The following C17orf107 variants were observed in gnomAD, a reference collection of about 807,000 sequenced individuals.
The protein encoded by C17orf107 is uncharacterized protein C17orf107.
C17orf107 carries 9 observed loss-of-function variants against 8.9 expected under a neutral mutation model. The observed-to-expected ratio is 1.02, with a 90% CI of 0.61 to 1.77. The LOEUF is 1.77. Ranked by LOEUF, C17orf107 falls within the 40% of genes most tolerant of loss-of-function variation. The pLI, the probability that C17orf107 is intolerant of heterozygous loss-of-function variation, is 0.00. For missense variants in C17orf107, 281 were observed against 249.0 expected (o/e 1.13, Z -0.86); for synonymous variants, 139 against 120.3 (o/e 1.16, Z -1.02).
rs1969891716 is a variant in C17orf107, at chr17:4,899,668, C to T, written c.-95C>T. On this transcript the variant is annotated 5_prime_UTR_variant, in exon 1 of 3. Coordinates refer to ENST00000381365, the MANE Select transcript of C17orf107 (RefSeq NM_001145536.2). ...CGCTGACCTCACAAACACGGCTTCT[C>T]CTGGTACGGGCTGGTTACGCCCTCC... 8.3e-6 allele frequency: 12 copies of T among 1,446,872 alleles called. No individual in the cohort carries two copies. The highest frequency in any genetic ancestry group is 1.1e-5 in the Non-Finnish European group (12 of 1,052,116). 89.6% of individuals were successfully genotyped at this position (1,446,872 alleles called of 1,614,324 possible). A position where few individuals can be genotyped will look rare whatever the true frequency, so the allele number is the denominator to read the frequency against.
chr17:4,900,631 G>C lies in C17orf107; in HGVS notation c.*98G>C, dbSNP rs983611047. ...AGGTGACGTCCAGCAGCAGTGAGGA[G>C]GACGGCGGACCAGGGACTCCATCCC... On this transcript the variant is annotated 3_prime_UTR_variant, in exon 3 of 3. Transcript: ENST00000381365. The C allele has an allele frequency of 3.4e-6, 5 of 1,489,856 alleles. No homozygotes were observed. In the Admixed American group the frequency reaches 5.9e-5, roughly 18 times the overall value. 92.3% of individuals were successfully genotyped at this position (1,489,856 alleles called of 1,614,324 possible).
rs769228953 is a variant in C17orf107 at position 4,901,008 on chromosome 17, A to G, written c.*475A>G. The G allele has an allele frequency of 2.5e-6, 4 of 1,613,852 alleles. No homozygotes were observed. In the Admixed American group the frequency reaches 6.7e-5, roughly 27 times the overall value. ...TGCTTACCCTGCGCCGGCAGGAAGT[A>G]GGCGAGCAGCACCAGGCCCGAGATG... On this transcript the variant is annotated 3_prime_UTR_variant, in exon 3 of 3. Transcript: ENST00000381365.
chr17:4,901,364 G>A lies in C17orf107; in HGVS notation c.*831G>A, dbSNP rs1264593678. 2 of 933,952 alleles carry A rather than the reference G, an allele frequency of 2.1e-6. No homozygotes were observed. Among genetic ancestry groups the A allele is most frequent in the East Asian group, 2.6e-5 (1 of 38,988 alleles). 57.9% of individuals were successfully genotyped at this position (933,952 alleles called of 1,614,324 possible). On this transcript the variant is annotated 3_prime_UTR_variant, in exon 3 of 3. Transcript: ENST00000381365. ...GAGGGTATGGAAAGCCAGAAGGCAG[G>A]ACTAGAGTAACAATCGAGAATGATT...
rs1282801523 is a variant in C17orf107 at position 4,901,671 on chromosome 17, GC to G, written c.*1142del. 1.9e-6 allele frequency: 3 copies of G among 1,567,428 alleles called. No individual in the cohort carries two copies. Among genetic ancestry groups the G allele is most frequent in the Non-Finnish European group, 2.6e-6 (3 of 1,140,108 alleles). ...GCCCACCCCAGAAGCTCTGACCTGG[GC>G]CCCGGCCTCAGGCCCAGCCCTGGAA... On this transcript the variant is annotated 3_prime_UTR_variant, in exon 3 of 3. Transcript: ENST00000381365.
At position 4,902,176 on chromosome 17, in the gene C17orf107, G is replaced by GA; in HGVS notation, c.*1643_*1644insA. The stretch of plus-strand genomic sequence containing the variant: ...CCAACCAAGTCCAGCCCGCACCCCA[G>GA]GCCGGCTTCCCTCCAGCCTGGCGTC... On this transcript the variant is annotated 3_prime_UTR_variant, in exon 3 of 3. Coordinates refer to ENST00000381365, the MANE Select transcript of C17orf107 (RefSeq NM_001145536.2). This position sits in a 1 kb window ranked among gnomAD's most constrained non-coding sequence, Gnocchi z 4.0. The GA allele has an allele frequency of 6.2e-7, 1 of 1,613,656 alleles. No homozygotes were observed. The highest frequency in any genetic ancestry group is 1.3e-5 in the African/African-American group (1 of 75,020).
At position 4,902,133 on chromosome 17, in the gene C17orf107, C is replaced by T. The variant is rs771464203; in HGVS notation, c.*1600C>T. On this transcript the variant is annotated 3_prime_UTR_variant, in exon 3 of 3. Coordinates refer to ENST00000381365, the MANE Select transcript of C17orf107 (RefSeq NM_001145536.2). This position sits in a 1 kb window ranked among gnomAD's most constrained non-coding sequence, Gnocchi z 4.0. ...AGCTTTTTGCACAGGTCTGCACCCT[C>T]TCAGAGTACCCCCTTCCCCAACCAA... 1 of 1,613,674 alleles carries T rather than the reference C, an allele frequency of 6.2e-7. No individual in the cohort carries two copies. The highest frequency in any genetic ancestry group is 8.5e-7 in the Non-Finnish European group (1 of 1,179,916).
rs1364657459 is a variant in C17orf107, at chr17:4,900,357, G to T, written c.397G>T (p.Val133Phe). The T allele has an allele frequency of 2.6e-6, 4 of 1,548,448 alleles. No individual in the cohort carries two copies. The highest frequency in any genetic ancestry group is 1.2e-5 in the South Asian group (1 of 83,994). Residue 133 changes from valine to phenylalanine, a missense_variant, in exon 3 of 3, where the codon GTT becomes TTT. Physicochemically the swap from Val to Phe is conservative, Grantham distance 50. Coordinates refer to ENST00000381365, the MANE Select transcript of C17orf107 (RefSeq NM_001145536.2). ...GGTAGCCCAAGCCGCAGGGCAGGGG[G>T]TTCGGCAAGCTGGGGCTGCGGTGGG... Reference protein sequence around the residue: ...SRVAQAAGQGVRQAGAAVGAS... With the variant: ...SRVAQAAGQGFRQAGAAVGAS...
At chr17:4,902,936 C>T (rs367815306), downstream of C17orf107, 7 of 1,598,668 alleles carry the variant, frequency 4.4e-6, no homozygotes, top group Admixed American at 5.0e-5. The surrounding 1 kb of genome is among the most constrained non-coding windows in gnomAD (Gnocchi z 4.0). Flanking sequence ...AAGTCTCCAT[C>T]TTGGTCTCTG....
Position 4,900,302 on chromosome 17 carries a change from C to T in C17orf107, c.342C>T (p.Asp114=), listed in dbSNP as rs141527391. The T allele has an allele frequency of 3.0e-4, 471 of 1,545,256 alleles. 1 individual carries two copies. The African/African-American group carries it at 5.8e-3, about 19-fold the overall frequency. ...RLDGSAGPAP[D]GRDPGAALSR... is the part of the protein sequence containing the mutation. Reference sequence around the variant, plus strand: ...ACGGCAGCGCGGGCCCAGCCCCAGACGGCAGGGATCCGGGTGCAGCGCTGA... The same window carrying T: ...ACGGCAGCGCGGGCCCAGCCCCAGATGGCAGGGATCCGGGTGCAGCGCTGA... Residue 114 remains aspartate, a synonymous_variant, in exon 3 of 3, where the codon GAC becomes GAT. Transcript: ENST00000381365.
At position 4,899,630 on chromosome 17, in the gene C17orf107, C is replaced by A. The variant is rs1404591514; in HGVS notation, c.-133C>A. ...CATCACCGTTCCTCCTCCCAGCTAC[C>A]GAAGGCGCCGCGCGCTGACCTCACA... On this transcript the variant is annotated 5_prime_UTR_variant, in exon 1 of 3. Coordinates refer to ENST00000381365, the MANE Select transcript of C17orf107 (RefSeq NM_001145536.2). 1.3e-6 allele frequency: 2 copies of A among 1,486,942 alleles called. No individual in the cohort carries two copies. The highest frequency in any genetic ancestry group is 1.8e-6 in the Non-Finnish European group (2 of 1,088,180). 92.1% of individuals were successfully genotyped at this position (1,486,942 alleles called of 1,614,324 possible). A position where few individuals can be genotyped will look rare whatever the true frequency, so the allele number is the denominator to read the frequency against.
At chr17:4,900,188 G>T (rs1052539405) in intron 2 of C17orf107, 43 bp downstream of exon 2, 6 of 1,543,800 alleles carry the variant, frequency 3.9e-6, no homozygotes, top group Non-Finnish European at 4.4e-6. Flanking sequence ...ATCGGGTAGC[G>T]GGAACAAGGA....
In C17orf107 at chr17:4,902,769, A is replaced by G; in HGVS notation, c.*2236A>G. 1 of 1,613,940 alleles carries G rather than the reference A, an allele frequency of 6.2e-7. No individual in the cohort carries two copies. Among genetic ancestry groups the G allele is most frequent in the South Asian group, 1.1e-5 (1 of 91,076 alleles). ...GTTCTTCCCCACACCCCTGCCTGCGATGGGGTCAAGAAGGAAGGGTCATTG... is the reference window on the plus strand; with the variant it reads ...GTTCTTCCCCACACCCCTGCCTGCGGTGGGGTCAAGAAGGAAGGGTCATTG... On this transcript the variant is annotated 3_prime_UTR_variant, in exon 3 of 3. Coordinates refer to ENST00000381365, the MANE Select transcript of C17orf107 (RefSeq NM_001145536.2). The surrounding 1 kb of genome is among the most constrained non-coding windows in gnomAD (Gnocchi z 4.0).
rs766217556 is a variant in C17orf107 at position 4,900,750 on chromosome 17, A to C, written c.*217A>C. ...GTCTCTGGGTTTTGGCCACGCCCCC[A>C]CCCTTCACACTGGCCACACCCCCGC... On this transcript the variant is annotated 3_prime_UTR_variant, in exon 3 of 3. Transcript: ENST00000381365. 104 of 1,578,282 alleles carry C rather than the reference A, an allele frequency of 6.6e-5. No individual in the cohort carries two copies. Among genetic ancestry groups the C allele is most frequent in the Non-Finnish European group, 8.8e-5 (102 of 1,156,732 alleles).
Position 4,901,654 on chromosome 17 carries a change from C to G in C17orf107, c.*1121C>G, listed in dbSNP as rs754488221. 1.9e-6 allele frequency: 3 copies of G among 1,602,312 alleles called. No homozygotes were observed. Among genetic ancestry groups the G allele is most frequent in the South Asian group, 2.2e-5 (2 of 90,820 alleles). ...CGGAGCCAGGGCCGGGAGCCCACCC[C>G]AGAAGCTCTGACCTGGGCCCCGGCC... On this transcript the variant is annotated 3_prime_UTR_variant, in exon 3 of 3. Coordinates refer to ENST00000381365, the MANE Select transcript of C17orf107 (RefSeq NM_001145536.2).
In C17orf107 at chr17:4,899,704, C is replaced by T. The variant is rs1969895117; in HGVS notation, c.-59C>T. 2 of 1,498,938 alleles carry T rather than the reference C, an allele frequency of 1.3e-6. No homozygotes were observed. The highest frequency in any genetic ancestry group is 2.0e-5 in the Admixed American group (1 of 50,942). The allele number at this position is 1,498,938 out of a possible 1,614,324, so 92.9% of individuals were successfully genotyped here. ...CTGGTTACGCCCTCCAGCTGCGCCCCCTACACGACGACAGACGCGTCCCCC... is the reference window on the plus strand; with the variant it reads ...CTGGTTACGCCCTCCAGCTGCGCCCTCTACACGACGACAGACGCGTCCCCC... On this transcript the variant is annotated 5_prime_UTR_variant, in exon 1 of 3. Coordinates refer to ENST00000381365, the MANE Select transcript of C17orf107 (RefSeq NM_001145536.2).
Position 4,900,688 on chromosome 17 carries a change from C to A in C17orf107, c.*155C>A, listed in dbSNP as rs1304367536. The A allele has an allele frequency of 4.1e-6, 6 of 1,463,870 alleles. No individual in the cohort carries two copies. The highest frequency in any genetic ancestry group is 1.4e-5 in the African/African-American group (1 of 71,150). 90.7% of individuals were successfully genotyped at this position (1,463,870 alleles called of 1,614,324 possible). ...AGCCCCACCCAGCGTCCGAATAAAG[C>A]CCAGGGCGGGGCGAGACAGCCAGAG... On this transcript the variant is annotated 3_prime_UTR_variant, in exon 3 of 3. Coordinates refer to ENST00000381365, the MANE Select transcript of C17orf107 (RefSeq NM_001145536.2).
chr17:4,901,172 A>C lies in C17orf107; in HGVS notation c.*639A>C. On this transcript the variant is annotated 3_prime_UTR_variant, in exon 3 of 3. Transcript: ENST00000381365. ...GCGGATCACCCCCGGGCAGAAGTCGATGGCCCACTCGCCGTTCTCTGCGGG... is the reference window on the plus strand; with the variant it reads ...GCGGATCACCCCCGGGCAGAAGTCGCTGGCCCACTCGCCGTTCTCTGCGGG... 1 of 1,606,146 alleles carries C rather than the reference A, an allele frequency of 6.2e-7. No homozygotes were observed. The highest frequency in any genetic ancestry group is 8.5e-7 in the Non-Finnish European group (1 of 1,178,682).
rs1202480965 is a variant in C17orf107 at position 4,900,644 on chromosome 17, G to A, written c.*111G>A. The A allele has an allele frequency of 1.8e-5, 26 of 1,460,504 alleles. No homozygotes were observed. Among genetic ancestry groups the A allele is most frequent in the East Asian group, 2.5e-5 (1 of 40,384 alleles). 90.5% of individuals were successfully genotyped at this position (1,460,504 alleles called of 1,614,324 possible). Reference sequence around the variant, plus strand: ...CAGCAGTGAGGAGGACGGCGGACCAGGGACTCCATCCCCGTACCAGCCCCA... The same window carrying A: ...CAGCAGTGAGGAGGACGGCGGACCAAGGACTCCATCCCCGTACCAGCCCCA... On this transcript the variant is annotated 3_prime_UTR_variant, in exon 3 of 3. Coordinates refer to ENST00000381365, the MANE Select transcript of C17orf107 (RefSeq NM_001145536.2).
At position 4,902,240 on chromosome 17, in the gene C17orf107, C is replaced by G. The variant is rs1228180650; in HGVS notation, c.*1707C>G. 1.2e-6 allele frequency: 2 copies of G among 1,614,204 alleles called. No individual in the cohort carries two copies. Among genetic ancestry groups the G allele is most frequent in the Admixed American group, 1.7e-5 (1 of 60,024 alleles). On this transcript the variant is annotated 3_prime_UTR_variant, in exon 3 of 3. Transcript: ENST00000381365. The surrounding 1 kb of genome is among the most constrained non-coding windows in gnomAD (Gnocchi z 4.0). Reference sequence around the variant, plus strand: ...ACTTGTTTTCCAGCACAATCTCTGGCAGCCACACGAGTTCTGAAGGGACTC... The same window carrying G: ...ACTTGTTTTCCAGCACAATCTCTGGGAGCCACACGAGTTCTGAAGGGACTC...
Sources: allele counts gnomAD v4.1 joint callset, GRCh38; gene constraint gnomAD v4.1.1; non-coding constraint Gnocchi (gnomAD v3.1); transcripts MANE v1.5; gene names NCBI Gene and HGNC (gene_info 2026-07-23, HGNC 2026-07-21).